PER3: variants seen among roughly 807,000 people sequenced by gnomAD.
PER3 encodes the protein period circadian protein homolog 3.
A neutral mutation model predicts 127.2 loss-of-function variants in PER3; 107 were observed. The ratio of observed to expected loss-of-function variants is 0.84; its 90% CI spans 0.72 to 0.99. The LOEUF (loss-of-function observed/expected upper bound fraction) is 0.99. PER3 is among the 50% of genes least tolerant of loss of function. The pLI, the probability that PER3 is intolerant of heterozygous loss-of-function variation, is 0.00. For missense variants in PER3, 1,560 were observed against 1,525.8 expected, an observed-to-expected ratio of 1.02 and a Z score of -0.37; for synonymous variants, 618 against 585.8, an observed-to-expected ratio of 1.05 and a Z score of -0.79.
At position 7,800,357 on chromosome 1, in the gene PER3, A is replaced by G. The variant is rs1481117988; in HGVS notation, c.794-756A>G. ...CGAGTACCTGGGATTACAGGCGCCC[A>G]CCACCCCACCCTGCTAATTTTTGTA... On this transcript the variant is annotated intron_variant, in intron 7 of 21. Coordinates refer to ENST00000377532, the MANE Select transcript of PER3 (RefSeq NM_001377275.1). 4.6e-5 allele frequency among the ~76,000 whole-genome samples: 7 copies of G among 150,856 alleles called. No homozygotes were observed. In the East Asian group the frequency reaches 1.4e-3, roughly 30 times the overall value.
intron 6 of PER3, among the ~76,000 whole-genome samples, chr1:7,794,993 A>G (rs1372147528): frequency 6.6e-6 from 1 of 152,144 alleles, no homozygotes; most frequent in Non-Finnish European, 1.5e-5. Context: ...GAAGTTACTA[A>G]ATGCTCAAGA....
At position 7,784,347 on chromosome 1, in the gene PER3, T is replaced by A. The variant is rs1481022306; in HGVS notation, c.-254T>A. 3.3e-5 allele frequency: 5 copies of A among 150,856 alleles called. No homozygotes were observed. The East Asian group carries it at 7.8e-4, about 23-fold the overall frequency. The allele number at this position is 150,856 out of a possible 1,614,324, so 9.3% of individuals were successfully genotyped here. The stretch of plus-strand genomic sequence containing the variant: ...GAGGGCGGCCCCGGGGGCGAGCGGC[T>A]GTGCGCGGGGCCAAGGGCGGGGGCA... On this transcript the variant is annotated 5_prime_UTR_variant, in exon 1 of 22. Transcript: ENST00000377532.
Position 7,809,912 on chromosome 1 carries a change from C to A in PER3, c.1262C>A (p.Ser421Tyr). Residue 421 changes from serine to tyrosine, a missense_variant, in exon 12 of 22, where the codon TCC becomes TAC. Coordinates refer to ENST00000377532, the MANE Select transcript of PER3 (RefSeq NM_001377275.1). Reference protein sequence around the residue: ...LLLQPVHVSVSSGYGSLGSSG... With the variant: ...LLLQPVHVSVYSGYGSLGSSG... Reference sequence around the variant, plus strand: ...TTCCAGCCAGTTCACGTGAGCGTGTCCAGCGGCTACGGGAGCCTGGGGAGC... The same window carrying A: ...TTCCAGCCAGTTCACGTGAGCGTGTACAGCGGCTACGGGAGCCTGGGGAGC... The A allele has an allele frequency of 6.2e-7, 1 of 1,614,050 alleles. No homozygotes were observed. The highest frequency in any genetic ancestry group is 1.1e-5 in the South Asian group (1 of 91,056).
chr1:7,819,040 T>A (rs1028914738), intron 13 of PER3, among the ~76,000 whole-genome samples: 1 of 152,254 alleles, frequency 6.6e-6, no homozygotes, highest in Non-Finnish European at 1.5e-5. Context: ...GTTTCATTCC[T>A]TATTTTTCTA....
intron 9 of PER3, 50 bp downstream of exon 9, chr1:7,803,203 G>T (rs776639043): frequency 1.7e-6 from 2 of 1,143,196 alleles, no homozygotes; most frequent in East Asian, 4.7e-5. Flanking sequence ...TCATTGATTT[G>T]TTCTAATTTT....
chr1:7,820,023 C>T, intron 14 of PER3, 92 bp from the exon 15 acceptor site: 1 of 1,282,306 alleles, frequency 7.8e-7, no homozygotes, highest in African/African-American at 1.5e-5. Context: ...ACAAAGTATG[C>T]CAAACATAAG....
At chr1:7,842,639 C>T (rs2097396890) in intron 21 of PER3, 33 bp from the exon 22 acceptor site, 1 of 1,611,284 alleles carries the variant, frequency 6.2e-7, no homozygotes, top group African/African-American at 1.3e-5. Context: ...ACATTGACAT[C>T]AAGTAACTCG....
chr1:7,802,945 A>T, intron 8 of PER3, 102 bp from the exon 9 acceptor site: 2 of 763,798 alleles, frequency 2.6e-6, no homozygotes. Flanking sequence ...ACAGCTTTGC[A>T]TAAAATTGTC....
At chr1:7,788,421 TACTC>T in intron 5 of PER3, 175 bp downstream of exon 5, 1 of 593,006 alleles carries the variant, frequency 1.7e-6, no homozygotes, top group Admixed American at 3.0e-5. Context: ...TCTGATAACA[TACTC>T]AATACGTTTG....
chr1:7,841,171 T>G (rs893791182), intron 21 of PER3, among the ~76,000 whole-genome samples: 1 of 152,178 alleles, frequency 6.6e-6, no homozygotes, highest in Non-Finnish European at 1.5e-5. Flanking sequence ...TTAAGAAAGT[T>G]TATGAATTTG....
At chr1:7,789,907 A>T (rs1387084580) in intron 5 of PER3, among the ~76,000 whole-genome samples, 1 of 152,032 alleles carries the variant, frequency 6.6e-6, no homozygotes, top group Non-Finnish European at 1.5e-5. Flanking sequence ...TTTATTTCTC[A>T]TCCCCTTTCC....
intron 13 of PER3, among the ~76,000 whole-genome samples, chr1:7,816,592 G>A (rs1425108012): frequency 1.3e-5 from 2 of 152,076 alleles, no homozygotes; most frequent in Non-Finnish European, 2.9e-5. Context: ...CTGAACCTAA[G>A]TCATTAGACA....
At chr1:7,824,561 C>T (rs959282168) in intron 16 of PER3, among the ~76,000 whole-genome samples, 2 of 151,902 alleles carry the variant, frequency 1.3e-5, no homozygotes, top group Admixed American at 6.6e-5. Flanking sequence ...CTTTGCATGC[C>T]TGGTGATTCT....
At chr1:7,832,211 A>G (rs2097334445) in intron 19 of PER3, among the ~76,000 whole-genome samples, 2 of 151,946 alleles carry the variant, frequency 1.3e-5, no homozygotes, top group Non-Finnish European at 2.9e-5. Context: ...TGTAGGTTTT[A>G]TAGTAATGTA....
intron 10 of PER3, 109 bp from the exon 11 acceptor site, chr1:7,808,784 A>G: frequency 1.5e-6 from 1 of 669,238 alleles, no homozygotes; most frequent in Non-Finnish European, 2.7e-6. Context: ...CTTTGGAGTC[A>G]AAGAATTGTT....
chr1:7,829,006 T>C (rs1021037679), intron 18 of PER3, among the ~76,000 whole-genome samples: 1 of 152,138 alleles, frequency 6.6e-6, no homozygotes, highest in Non-Finnish European at 1.5e-5. Context: ...TGCCTTAATA[T>C]TACTTACAAA....
intron 4 of PER3, chr1:7,787,526 C>A: frequency 2.5e-6 from 1 of 399,404 alleles, no homozygotes; most frequent in Non-Finnish European, 4.9e-6. Flanking sequence ...AAATATTTGT[C>A]TTTTAAGATA....
At chr1:7,831,917 T>C (rs2097333148) in intron 19 of PER3, among the ~76,000 whole-genome samples, 1 of 152,214 alleles carries the variant, frequency 6.6e-6, no homozygotes, top group Admixed American at 6.5e-5. Flanking sequence ...TAGGAACTAT[T>C]CTTTGCTATT....
At chr1:7,794,106 G>C (rs2097134349) in intron 6 of PER3, 98 bp downstream of exon 6, 1 of 968,804 alleles carries the variant, frequency 1.0e-6, no homozygotes, top group African/African-American at 1.6e-5. Context: ...CACTTCTGTT[G>C]CGAGATACAA....
Sources: gnomAD v4.1 joint callset for allele counts (sites outside exome capture counted in the v4.1 genomes callset) on GRCh38, gnomAD v4.1.1 for gene constraint, MANE v1.5 for transcripts, NCBI Gene and HGNC (gene_info 2026-07-23, HGNC 2026-07-21) for gene names.